PTPRN2: variants seen among roughly 807,000 people sequenced by gnomAD.
PTPRN2 encodes the protein protein tyrosine phosphatase receptor type N2, also known as receptor-type tyrosine-protein phosphatase N2.
Under a neutral mutation model 118.8 loss-of-function variants are expected in PTPRN2, and 74 were observed. The observed-to-expected ratio is 0.62, with a 90% confidence interval of 0.52 to 0.76. The LOEUF (loss-of-function observed/expected upper bound fraction) is 0.76, where lower values mean the gene tolerates loss of function less well. Among genes scored for constraint, PTPRN2 ranks in the 30% least tolerant of loss-of-function variants. The pLI, the probability that PTPRN2 is intolerant of heterozygous loss-of-function variation, is 0.00. For synonymous variants in PTPRN2, 641 were observed against 608.0 expected (o/e 1.05, Z -0.80); for missense variants, 1,481 against 1,394.4 (o/e 1.06, Z -0.99).
intron 4 of PTPRN2, among the ~76,000 whole-genome samples, chr7:158,194,989 C>T (rs989085081): frequency 6.6e-6 from 1 of 152,234 alleles, no homozygotes; most frequent in Non-Finnish European, 1.5e-5. Context: ...TAATCAACTT[C>T]TTTAAATGTG....
At chr7:158,389,320 C>T (rs1386402443) in intron 2 of PTPRN2, among the ~76,000 whole-genome samples, 1 of 152,244 alleles carries the variant, frequency 6.6e-6, no homozygotes, top group East Asian at 1.9e-4. Flanking sequence ...TGTCCATAGA[C>T]CACACGAAGT....
intron 2 of PTPRN2, among the ~76,000 whole-genome samples, chr7:158,347,461 T>C (rs1340978993): frequency 6.6e-6 from 1 of 152,244 alleles, no homozygotes; most frequent in Admixed American, 6.5e-5. Context: ...GATGTGTCTA[T>C]TTTGTTTTGT....
intron 2 of PTPRN2, among the ~76,000 whole-genome samples, chr7:158,358,641 G>A (rs935205381): frequency 6.6e-6 from 1 of 152,312 alleles, no homozygotes; most frequent in Non-Finnish European, 1.5e-5. Context: ...GGAAGGAGAC[G>A]CTGACACAGT....
In PTPRN2 at chr7:158,526,125, G is replaced by C. The variant is rs568895868; in HGVS notation, c.113-36340C>G. 2.6e-5 allele frequency among the ~76,000 whole-genome samples: 4 copies of C among 152,302 alleles called. No homozygotes were observed. The South Asian group carries it at 8.3e-4, about 32-fold the overall frequency. ...CCTGAGGAGATGATGACTTCCTACAGCTTCTGAAAGGGCCCGCTCTGGGGG... is the reference window on the plus strand; with the variant it reads ...CCTGAGGAGATGATGACTTCCTACACCTTCTGAAAGGGCCCGCTCTGGGGG... On this transcript the variant is annotated intron_variant, in intron 1 of 22. Coordinates refer to ENST00000389418, the MANE Select transcript of PTPRN2 (RefSeq NM_002847.5). This position sits in a 1 kb window ranked among gnomAD's most constrained non-coding sequence, Gnocchi z 5.2.
At chr7:157,581,085 CCCTGCACACTCCAGCA>C (rs941374968) in intron 17 of PTPRN2, among the ~76,000 whole-genome samples, 9 of 143,578 alleles carry the variant, frequency 6.3e-5, no homozygotes, top group African/African-American at 2.3e-4. Flanking sequence ...ACACCCGAGC[CCCTGCACACTCCAGCA>C]CCTGCACACC....
chr7:157,759,468 G>T (rs1047153204), intron 12 of PTPRN2, among the ~76,000 whole-genome samples: 3 of 152,234 alleles, frequency 2.0e-5, no homozygotes, highest in Non-Finnish European at 4.4e-5. Flanking sequence ...GGAGCCTGGC[G>T]TGTCCAGTGT....
chr7:157,557,310 ACT>A (rs1302370546), intron 21 of PTPRN2, among the ~76,000 whole-genome samples: 1 of 151,470 alleles, frequency 6.6e-6, no homozygotes, highest in Non-Finnish European at 1.5e-5. Flanking sequence ...CACACTTCAC[ACT>A]CTCACACAAT....
At chr7:158,178,928 T>C (rs1024997366) in intron 5 of PTPRN2, among the ~76,000 whole-genome samples, 2 of 152,200 alleles carry the variant, frequency 1.3e-5, no homozygotes, top group African/African-American at 4.8e-5. Context: ...CTTAGACTGG[T>C]TCCATATCTT....
At chr7:158,027,559 C>T (rs555165622) in intron 11 of PTPRN2, 1 of 152,326 alleles carries the variant, frequency 6.6e-6, no homozygotes, top group South Asian at 2.1e-4. Flanking sequence ...CATGGGCACC[C>T]TCCACAATCC....
chr7:158,383,108 G>C (rs1811086278), intron 2 of PTPRN2, among the ~76,000 whole-genome samples: 1 of 152,058 alleles, frequency 6.6e-6, no homozygotes, highest in South Asian at 2.1e-4. Context: ...GAACATTAAG[G>C]CTCCTATTAA....
intron 2 of PTPRN2, among the ~76,000 whole-genome samples, chr7:158,320,120 CA>C (rs1802866094): frequency 1.2e-5 from 1 of 86,774 alleles, no homozygotes; most frequent in Admixed American, 1.1e-4. Context: ...CACACACACA[CA>C]GCCTCCCTCA....
chr7:158,166,999 G>A lies in PTPRN2; in HGVS notation c.842C>T (p.Ala281Val), dbSNP rs760665830. 3.4e-6 allele frequency: 5 copies of A among 1,464,914 alleles called. No individual in the cohort carries two copies. Among genetic ancestry groups the A allele is most frequent in the South Asian group, 1.4e-5 (1 of 69,462 alleles). 90.7% of individuals were successfully genotyped at this position (1,464,914 alleles called of 1,614,324 possible). ...APSRMPRPLL[A>V]PAAPQKWPSP... ...AGGCCACTTCTGGGGGGCGGCTGGT[G>A]CCAGCAAAGGCCTGGGCATTCTTGA... Residue 281 changes from alanine to valine, a missense_variant, in exon 6 of 23, where the codon GCA (alanine) becomes GTA (valine). This residue lies in a region of PTPRN2 where 1,115 missense variants were observed against 994.2 expected (regional missense o/e 1.12). Transcript: ENST00000389418.
intron 11 of PTPRN2, among the ~76,000 whole-genome samples, chr7:158,018,397 C>G (rs572182429): frequency 2.0e-4 from 31 of 152,296 alleles, no homozygotes; most frequent in African/African-American, 7.2e-4. Context: ...AATTTATAAC[C>G]GGGAGCATAT....
At chr7:157,952,653 T>G (rs1161985673) in intron 11 of PTPRN2, among the ~76,000 whole-genome samples, 9 of 151,972 alleles carry the variant, frequency 5.9e-5, no homozygotes, top group Non-Finnish European at 1.2e-4. Flanking sequence ...TGTTCCTGTA[T>G]CTCTAGTAAA....
Position 157,615,312 on chromosome 7 carries a change from G to A in PTPRN2, c.2344+6050C>T, listed in dbSNP as rs566312685. On this transcript the variant is annotated intron_variant, in intron 15 of 22. Coordinates refer to ENST00000389418, the MANE Select transcript of PTPRN2 (RefSeq NM_002847.5). The surrounding 1 kb of genome is among the most constrained non-coding windows in gnomAD (Gnocchi z 4.3). ...TGCAAGAGCGGTGTGCGTGGGTTGC[G>A]GCTGGGTCTGCGCTGGGGTAGTGTA... 5 of 382,290 alleles carry A rather than the reference G, an allele frequency of 1.3e-5. No homozygotes were observed. The highest frequency in any genetic ancestry group is 4.2e-5 in the African/African-American group (2 of 47,818). 23.7% of individuals were successfully genotyped at this position (382,290 alleles called of 1,614,324 possible). A position where few individuals can be genotyped will look rare whatever the true frequency, so the allele number is the denominator to read the frequency against.
At chr7:158,142,212 C>T (rs1819452325) in intron 6 of PTPRN2, among the ~76,000 whole-genome samples, 1 of 152,216 alleles carries the variant, frequency 6.6e-6, no homozygotes, top group South Asian at 2.1e-4. Context: ...GAGCCCACGC[C>T]CGCCTCCGCC....
intron 11 of PTPRN2, among the ~76,000 whole-genome samples, chr7:158,013,774 T>TCCCCCCCCCCCC (rs1806232167): frequency 1.5e-5 from 1 of 68,608 alleles, no homozygotes. Context: ...CATCCACCTA[T>TCCCCCCCCCCCC]CCATCCATTC....
intron 21 of PTPRN2, among the ~76,000 whole-genome samples, chr7:157,558,269 G>A (rs966789896): frequency 3.3e-5 from 5 of 152,066 alleles, no homozygotes; most frequent in South Asian, 2.1e-4. Flanking sequence ...CAAACGCAGC[G>A]TCTGTGCTGA....
intron 1 of PTPRN2, among the ~76,000 whole-genome samples, chr7:158,490,156 C>A (rs1456814456): frequency 6.6e-6 from 1 of 152,176 alleles, no homozygotes; most frequent in Non-Finnish European, 1.5e-5. Flanking sequence ...GGGTGCTCAC[C>A]GCACGCACCG....
Sources: allele counts gnomAD v4.1 joint callset (sites outside exome capture counted in the v4.1 genomes callset), GRCh38; gene constraint gnomAD v4.1.1; regional missense constraint gnomAD v4.1.1; non-coding constraint Gnocchi (gnomAD v3.1); transcripts MANE v1.5; gene names NCBI Gene and HGNC (gene_info 2026-07-23, HGNC 2026-07-21).